Variants in EYA3 observed in about 807,000 individuals in gnomAD.
EYA3 encodes EYA transcriptional coactivator and phosphatase 3, also known as protein phosphatase EYA3.
In EYA3, 39 loss-of-function variants were observed where a neutral mutation model predicts 80.0. That is an observed-to-expected ratio of 0.49 (90% CI 0.38 to 0.64). EYA3 has a LOEUF of 0.64. EYA3 is among the 30% of genes least tolerant of loss of function. EYA3 has a pLI of 0.00. For synonymous variants in EYA3, 206 were observed against 232.8 expected, an observed-to-expected ratio of 0.88 and a Z score of 1.05; for missense variants, 523 against 676.1, an observed-to-expected ratio of 0.77 and a Z score of 2.51.
At chr1:28,058,161 G>C (rs1644497534) in intron 1 of EYA3, 67 bp from the exon 2 acceptor site, 12 of 603,896 alleles carry the variant, frequency 2.0e-5, no homozygotes, top group Non-Finnish European at 2.4e-5. Context: ...GGCCATCAGA[G>C]AATGATTTTT....
rs116643335 is a variant in EYA3 at position 28,087,400 on chromosome 1, T to C, written c.-69+1124A>G. On this transcript the variant is annotated intron_variant, in intron 1 of 17. Coordinates refer to ENST00000373871, the MANE Select transcript of EYA3 (RefSeq NM_001990.4). ...TTCTAAGTAATGTACTTCTAAGTAA[T>C]GTAATTCTAAGTAAAGTCTGGCTAA... Among the ~76,000 whole-genome samples, 696 of 152,250 alleles carry C rather than the reference T, an allele frequency of 4.6e-3. 5 individuals are homozygous for C. The highest frequency in any genetic ancestry group is 0.016 in the African/African-American group (666 of 41,548).
At chr1:28,026,282 T>A (rs958924329) in intron 7 of EYA3, among the ~76,000 whole-genome samples, 1 of 152,202 alleles carries the variant, frequency 6.6e-6, no homozygotes, top group African/African-American at 2.4e-5. Context: ...ACTTGGCAAC[T>A]AGACTTACCT....
At chr1:28,066,023 A>G (rs1039938290) in intron 1 of EYA3, among the ~76,000 whole-genome samples, 1 of 152,152 alleles carries the variant, frequency 6.6e-6, no homozygotes, top group Non-Finnish European at 1.5e-5. Context: ...AAAAAACAAA[A>G]AAGAGTTACT....
chr1:28,051,344 CA>C (rs1644241708), intron 2 of EYA3, among the ~76,000 whole-genome samples: 1 of 150,554 alleles, frequency 6.6e-6, no homozygotes, highest in African/African-American at 2.4e-5. Flanking sequence ...GTGAACAATT[CA>C]AAAATGAAAA....
At chr1:28,033,072 T>C (rs1198904180) in intron 6 of EYA3, among the ~76,000 whole-genome samples, 1 of 152,194 alleles carries the variant, frequency 6.6e-6, no homozygotes, top group Non-Finnish European at 1.5e-5. Flanking sequence ...CAGCTTATTA[T>C]AGTAAATAAT....
intron 16 of EYA3, among the ~76,000 whole-genome samples, chr1:27,983,718 C>T (rs1639462598): frequency 6.6e-6 from 1 of 152,088 alleles, no homozygotes; most frequent in African/African-American, 2.4e-5. Flanking sequence ...TGCAATGGCG[C>T]AATCTTGGCT....
At chr1:28,065,039 C>T (rs1046441756) in intron 1 of EYA3, among the ~76,000 whole-genome samples, 2 of 152,238 alleles carry the variant, frequency 1.3e-5, no homozygotes, top group South Asian at 2.1e-4. Flanking sequence ...CAGTAGTCTC[C>T]CCTTCCAAGG....
intron 16 of EYA3, among the ~76,000 whole-genome samples, chr1:27,978,870 G>C (rs1355780654): frequency 6.6e-6 from 1 of 152,216 alleles, no homozygotes; most frequent in Admixed American, 6.5e-5. Flanking sequence ...GCTGAGGCAG[G>C]AGAATCGCTT....
At chr1:27,982,909 T>C (rs1160896116) in intron 16 of EYA3, among the ~76,000 whole-genome samples, 1 of 152,232 alleles carries the variant, frequency 6.6e-6, no homozygotes, top group African/African-American at 2.4e-5. Flanking sequence ...TAATTTTACT[T>C]AATCCACTTT....
At chr1:28,050,876 G>C (rs1027746913) in intron 2 of EYA3, among the ~76,000 whole-genome samples, 1 of 152,200 alleles carries the variant, frequency 6.6e-6, no homozygotes, top group Non-Finnish European at 1.5e-5. Context: ...GAAACTGACA[G>C]AAAATGATTC....
intron 16 of EYA3, among the ~76,000 whole-genome samples, chr1:27,987,448 C>T (rs1187050764): frequency 6.6e-6 from 1 of 152,160 alleles, no homozygotes; most frequent in Non-Finnish European, 1.5e-5. Context: ...CTCTTTGAGA[C>T]CCTGCTTTTG....
chr1:28,075,766 A>C (rs1403338074), intron 1 of EYA3, among the ~76,000 whole-genome samples: 1 of 152,144 alleles, frequency 6.6e-6, no homozygotes, highest in Non-Finnish European at 1.5e-5. Flanking sequence ...AGTCTGCTAC[A>C]TTTCTGAAAC....
At position 28,017,210 on chromosome 1, in the gene EYA3, T is replaced by C. The variant is rs372082681; in HGVS notation, c.529A>G (p.Thr177Ala). The C allele has an allele frequency of 4.0e-5, 65 of 1,613,880 alleles. No individual in the cohort carries two copies. The African/African-American group carries it at 4.7e-4, about 12-fold the overall frequency. Reference sequence around the variant, plus strand: ...GGAATATTGGCAATTGTAGAAGAAGTAGATATCAGGCTGGCATTTGTGCTT... The same window carrying C: ...GGAATATTGGCAATTGTAGAAGAAGCAGATATCAGGCTGGCATTTGTGCTT... ...ASSTNASLIS[T>A]SSTIANIPAA... Residue 177 changes from threonine to alanine, a missense_variant, in exon 8 of 18, where the codon ACT becomes GCT. Transcript: ENST00000373871.
At chr1:27,979,641 C>T (rs1457750080) in intron 16 of EYA3, among the ~76,000 whole-genome samples, 5 of 152,148 alleles carry the variant, frequency 3.3e-5, no homozygotes, top group Admixed American at 3.3e-4. Flanking sequence ...CTTTTTATCT[C>T]CCTGCTTCTG....
intron 4 of EYA3, 81 bp from the exon 5 acceptor site, chr1:28,038,986 T>G: frequency 1.2e-6 from 1 of 824,144 alleles, no homozygotes; most frequent in Non-Finnish European, 2.0e-6. Flanking sequence ...TCTCACTGTA[T>G]AGTCTTTCAA....
intron 1 of EYA3, among the ~76,000 whole-genome samples, chr1:28,062,959 A>G (rs956896013): frequency 2.7e-5 from 4 of 149,582 alleles, no homozygotes; most frequent in Non-Finnish European, 4.4e-5. Flanking sequence ...CCGAGATTGC[A>G]CCACTGCACT....
At position 28,026,032 on chromosome 1, in the gene EYA3, T is replaced by C. The variant is rs192222284; in HGVS notation, c.499+1757A>G. The stretch of plus-strand genomic sequence containing the variant: ...CCTCGGCCTCCCAAAGTGCTAGGAT[T>C]ACAGGCGTGAGCCACCACGCCCAGC... On this transcript the variant is annotated intron_variant, in intron 7 of 17. Transcript: ENST00000373871. Among the ~76,000 whole-genome samples the C allele has an allele frequency of 2.0e-3, 309 of 152,344 alleles. 1 individual carries two copies. The highest frequency in any genetic ancestry group is 7.2e-3 in the African/African-American group (298 of 41,582).
chr1:27,980,883 T>TA (rs1393390686), intron 16 of EYA3, among the ~76,000 whole-genome samples: 1 of 152,042 alleles, frequency 6.6e-6, no homozygotes, highest in African/African-American at 2.4e-5. Context: ...TACAAAAAAT[T>TA]AAAAAATTAG....
intron 1 of EYA3, among the ~76,000 whole-genome samples, chr1:28,066,668 A>C (rs946461781): frequency 6.6e-6 from 1 of 152,162 alleles, no homozygotes; most frequent in Non-Finnish European, 1.5e-5. Flanking sequence ...AGAAAGCATA[A>C]ACAAGAATTT....
Sources: gnomAD v4.1 joint callset for allele counts (sites outside exome capture counted in the v4.1 genomes callset) on GRCh38, gnomAD v4.1.1 for gene constraint, MANE v1.5 for transcripts, NCBI Gene and HGNC (gene_info 2026-07-23, HGNC 2026-07-21) for gene names.